TTC33: variants seen among roughly 807,000 people sequenced by gnomAD.
TTC33 encodes the protein tetratricopeptide repeat protein 33.
A neutral mutation model predicts 29.4 loss-of-function variants in TTC33; 24 were observed. The observed-to-expected ratio is 0.82, with a 90% CI of 0.59 to 1.15. The LOEUF (loss-of-function observed/expected upper bound fraction) is 1.15, where lower values mean the gene tolerates loss of function less well. Among genes scored for constraint, TTC33 ranks in the 50% most tolerant of loss-of-function variants. TTC33 has a pLI of 0.00. For synonymous variants in TTC33, 107 were observed against 100.3 expected (o/e 1.07, Z -0.40); for missense variants, 286 against 310.4 (o/e 0.92, Z 0.59).
chr5:40,752,124 AACTTT>A (rs1245481014), intron 1 of TTC33, among the ~76,000 whole-genome samples: 20 of 152,188 alleles, frequency 1.3e-4, no homozygotes, highest in African/African-American at 4.8e-4. Flanking sequence ...AGCAGTTTCA[AACTTT>A]ACTTTGGCAG....
At chr5:40,738,484 C>CAATACAATACAATAA (rs1742608616) in intron 2 of TTC33, among the ~76,000 whole-genome samples, 2 of 89,812 alleles carry the variant, frequency 2.2e-5, no homozygotes, top group Non-Finnish European at 4.5e-5. Context: ...CAATACAATA[C>CAATACAATACAATAA]AATACAATAC....
At chr5:40,717,615 T>C (rs1310403571) in intron 4 of TTC33, among the ~76,000 whole-genome samples, 1 of 152,238 alleles carries the variant, frequency 6.6e-6, no homozygotes, top group Non-Finnish European at 1.5e-5. Context: ...CTAGTTGTGA[T>C]AAACAAAAAT....
intron 4 of TTC33, among the ~76,000 whole-genome samples, chr5:40,724,536 G>A (rs1282164681): frequency 6.6e-6 from 1 of 151,972 alleles, no homozygotes; most frequent in Non-Finnish European, 1.5e-5. Context: ...GGGAGGCTGA[G>A]GAACGAGAAT....
At position 40,754,358 on chromosome 5, in the gene TTC33, G is replaced by C. The variant is rs1054628782; in HGVS notation, c.-2+1466C>G. Among the ~76,000 whole-genome samples, 15 of 152,296 alleles carry C rather than the reference G, an allele frequency of 9.8e-5. No homozygotes were observed. The East Asian group carries it at 1.7e-3, about 18-fold the overall frequency. ...AGTTAATATTGAGTGAAACATACAG[G>C]CAAGTTCAGGGATGGAGGGAAAGGA... On this transcript the variant is annotated intron_variant, in intron 1 of 4. Coordinates refer to ENST00000337702, the MANE Select transcript of TTC33 (RefSeq NM_012382.3).
intron 2 of TTC33, among the ~76,000 whole-genome samples, chr5:40,732,750 A>G (rs1742460445): frequency 1.3e-5 from 2 of 152,092 alleles, no homozygotes; most frequent in African/African-American, 4.8e-5. Flanking sequence ...CTGGGACTAC[A>G]GGCACATGCC....
At chr5:40,742,710 C>G (rs1742719661) in intron 2 of TTC33, among the ~76,000 whole-genome samples, 1 of 151,932 alleles carries the variant, frequency 6.6e-6, no homozygotes. Flanking sequence ...AGAATAAGAC[C>G]CAGAATAGAG....
chr5:40,725,561 G>A (rs908156416), intron 4 of TTC33, among the ~76,000 whole-genome samples: 8 of 152,222 alleles, frequency 5.3e-5, no homozygotes, highest in South Asian at 2.1e-4. Context: ...CACAGAGCCC[G>A]AAGAAGGGAA....
chr5:40,721,479 C>A (rs1336298436), intron 4 of TTC33, among the ~76,000 whole-genome samples: 4 of 152,106 alleles, frequency 2.6e-5, no homozygotes, highest in Non-Finnish European at 5.9e-5. Flanking sequence ...TGATCTTCAA[C>A]AAGGGCATTA....
chr5:40,718,732 C>T (rs778318882), intron 4 of TTC33, among the ~76,000 whole-genome samples: 4 of 150,462 alleles, frequency 2.7e-5, no homozygotes, highest in East Asian at 2.0e-4. Flanking sequence ...AGCAAGATTC[C>T]GTCTCGAAAA....
chr5:40,747,124 C>T (rs1288251988), intron 1 of TTC33, 105 bp from the exon 2 acceptor site: 5 of 970,444 alleles, frequency 5.2e-6, no homozygotes, highest in African/African-American at 4.9e-5. Flanking sequence ...GATGGCACGA[C>T]CTCGGCTCAC....
Position 40,716,480 on chromosome 5 carries a change from CT to C in TTC33, c.453del (p.Val152Ter), listed in dbSNP as rs1561141669. On this transcript the variant is annotated frameshift_variant, in exon 5 of 5. Coordinates refer to ENST00000337702, the MANE Select transcript of TTC33 (RefSeq NM_012382.3). LOFTEE classifies it high-confidence loss of function. The stretch of plus-strand genomic sequence containing the variant: ...TTCATTGGATAGATGTGAAGGGCTA[CT>C]TGAAAACTTCGAATTGCCTAGAAAA... ...GEIILAIRSF[Q>X]VALHIYPMNP... 1 of 1,588,154 alleles carries C rather than the reference CT, an allele frequency of 6.3e-7. No homozygotes were observed. The highest frequency in any genetic ancestry group is 8.5e-7 in the Non-Finnish European group (1 of 1,169,792).
At chr5:40,725,784 CTTTT>C (rs35070396) in intron 4 of TTC33, among the ~76,000 whole-genome samples, 5 of 126,044 alleles carry the variant, frequency 4.0e-5, no homozygotes, top group Admixed American at 8.1e-5. Flanking sequence ...TTCTCTTCAG[CTTTT>C]TTTTTTTTTT....
chr5:40,745,640 C>T (rs1403187428), intron 2 of TTC33, among the ~76,000 whole-genome samples: 1 of 151,562 alleles, frequency 6.6e-6, no homozygotes, highest in Non-Finnish European at 1.5e-5. Flanking sequence ...CTTCCTGCCT[C>T]GGCCTCTCAA....
chr5:40,751,684 C>A (rs963247988), intron 1 of TTC33, among the ~76,000 whole-genome samples: 2 of 152,124 alleles, frequency 1.3e-5, no homozygotes, highest in Non-Finnish European at 2.9e-5. Context: ...TATGGCCATG[C>A]GCAGTGGCTC....
At chr5:40,730,582 A>G (rs564296941) in intron 2 of TTC33, among the ~76,000 whole-genome samples, 2 of 152,252 alleles carry the variant, frequency 1.3e-5, no homozygotes, top group South Asian at 2.1e-4. Flanking sequence ...TACCCATTAA[A>G]CAATAACTCC....
intron 2 of TTC33, among the ~76,000 whole-genome samples, chr5:40,736,000 C>T (rs1043584227): frequency 6.6e-6 from 1 of 152,082 alleles, no homozygotes; most frequent in Non-Finnish European, 1.5e-5. Flanking sequence ...TGGATGTTAT[C>T]AGGGTATGTT....
chr5:40,728,200 C>T, intron 4 of TTC33, 145 bp downstream of exon 4: 2 of 551,948 alleles, frequency 3.6e-6, no homozygotes, highest in South Asian at 5.7e-5. Context: ...AGGAGAATCG[C>T]TTGAACCCAG....
chr5:40,730,120 T>C, intron 3 of TTC33, 142 bp downstream of exon 3: 1 of 620,344 alleles, frequency 1.6e-6, no homozygotes, highest in East Asian at 2.8e-5. Context: ...GAACCATAAA[T>C]AATGGTGAAA....
At chr5:40,739,238 C>T (rs1298695998) in intron 2 of TTC33, among the ~76,000 whole-genome samples, 2 of 152,174 alleles carry the variant, frequency 1.3e-5, no homozygotes, top group Non-Finnish European at 2.9e-5. Context: ...AGTCTAGATT[C>T]TTTGCATTTC....
Sources: gnomAD v4.1 joint callset for allele counts (sites outside exome capture counted in the v4.1 genomes callset) on GRCh38, gnomAD v4.1.1 for gene constraint, MANE v1.5 for transcripts, NCBI Gene and HGNC (gene_info 2026-07-23, HGNC 2026-07-21) for gene names.